UBAP2: variants seen among roughly 807,000 people sequenced by gnomAD.
UBAP2 encodes the protein ubiquitin-associated protein 2.
Under a neutral mutation model 139.6 loss-of-function variants are expected in UBAP2, and 75 were observed. That is an observed-to-expected ratio of 0.54 (90% CI 0.45 to 0.65). UBAP2 has a LOEUF of 0.65. UBAP2 is among the 30% of genes least tolerant of loss of function. UBAP2 has a pLI of 0.00. For missense variants in UBAP2, 1,368 were observed against 1,369.6 expected, an observed-to-expected ratio of 1.00 and a Z score of 0.02; for synonymous variants, 526 against 526.2, an observed-to-expected ratio of 1.00 and a Z score of 0.01.
chr9:33,975,398 C>A (rs307685), intron 6 of UBAP2, among the ~76,000 whole-genome samples: 47,696 of 149,578 alleles, frequency 0.32, 8,222 homozygotes, highest in African/African-American at 0.45. Context: ...TGCCACTGCA[C>A]TCCAGCCTGG....
chr9:34,020,150 TAAAAAAAAA>T (rs1174976366), intron 1 of UBAP2, among the ~76,000 whole-genome samples: 1 of 127,078 alleles, frequency 7.9e-6, no homozygotes, highest in Admixed American at 8.0e-5. Flanking sequence ...ACTCCATTAT[TAAAAAAAAA>T]AAAAAAAAAA....
At chr9:33,942,712 A>C (rs1374485383) in intron 15 of UBAP2, among the ~76,000 whole-genome samples, 2 of 150,046 alleles carry the variant, frequency 1.3e-5, no homozygotes, top group East Asian at 3.9e-4. Context: ...TGGACAACAG[A>C]GCAAGACCCT....
chr9:33,949,631 A>T (rs1825931227), intron 12 of UBAP2, among the ~76,000 whole-genome samples: 1 of 152,136 alleles, frequency 6.6e-6, no homozygotes, highest in Admixed American at 6.5e-5. Context: ...TGAACCCAGG[A>T]AGTGGAGGTT....
At chr9:33,956,953 C>T (rs918971050) in intron 10 of UBAP2, among the ~76,000 whole-genome samples, 13 of 151,566 alleles carry the variant, frequency 8.6e-5, no homozygotes, top group African/African-American at 2.9e-4. Context: ...ATTGGCTGGT[C>T]GTGGTGGTGT....
intron 1 of UBAP2, among the ~76,000 whole-genome samples, chr9:34,029,253 C>A (rs147531630): frequency 2.1e-5 from 3 of 143,952 alleles, no homozygotes; most frequent in Admixed American, 7.4e-5. Context: ...TAGGGCCAGG[C>A]GTAGTGGCTC....
intron 1 of UBAP2, among the ~76,000 whole-genome samples, chr9:34,022,954 C>T (rs1426481496): frequency 3.9e-5 from 6 of 151,954 alleles, no homozygotes; most frequent in Non-Finnish European, 8.8e-5. Flanking sequence ...CGGCTGGGTG[C>T]AGTGGCTCAC....
chr9:33,957,500 A>G (rs1363676589), intron 10 of UBAP2, among the ~76,000 whole-genome samples: 1 of 152,230 alleles, frequency 6.6e-6, no homozygotes, highest in Non-Finnish European at 1.5e-5. Flanking sequence ...AAATGAAATC[A>G]TAAAAGTATC....
intron 4 of UBAP2, among the ~76,000 whole-genome samples, chr9:33,989,823 G>A (rs1018841662): frequency 2.0e-5 from 3 of 152,012 alleles, no homozygotes; most frequent in Non-Finnish European, 2.9e-5. Context: ...TTAGAATGAT[G>A]CCCCAAAAGC....
chr9:33,930,895 C>CAAAAAA (rs57202118), intron 19 of UBAP2, among the ~76,000 whole-genome samples: 2 of 73,234 alleles, frequency 2.7e-5, no homozygotes, highest in Non-Finnish European at 4.9e-5. Context: ...GACTGCATCT[C>CAAAAAA]AAAAAAAAAA....
rs995486324 is a variant in UBAP2, at chr9:33,933,504, G to A, written c.2094C>T (p.Leu698=). ...QHTGDLTSSP[L]SQLSSSLSSH... ...CTTCCCCATACCTGCTAAGCTGAGA[G>A]AGAGGGCTGCTAGTCAGGTCGCCAG... The change falls in exon 18 of 29, where the codon CTC becomes CTT. Residue 698 remains leucine, a synonymous_variant. Coordinates refer to ENST00000379238, the MANE Select transcript of UBAP2 (RefSeq NM_001370062.2). 33 of 1,613,788 alleles carry A rather than the reference G, an allele frequency of 2.0e-5. No homozygotes were observed. Among genetic ancestry groups the A allele is most frequent in the Non-Finnish European group, 2.6e-5 (31 of 1,180,012 alleles).
intron 16 of UBAP2, among the ~76,000 whole-genome samples, chr9:33,937,755 CAAA>C (rs34776998): frequency 9.7e-6 from 1 of 103,602 alleles, no homozygotes; most frequent in Non-Finnish European, 2.0e-5. Context: ...TTAAAAAATA[CAAA>C]AAAAAAAAAA....
At position 33,924,058 on chromosome 9, in the gene UBAP2, C is replaced by A. The variant is rs1823198604; in HGVS notation, c.2591-58G>T. 5 of 1,603,450 alleles carry A rather than the reference C, an allele frequency of 3.1e-6. No homozygotes were observed. The South Asian group carries it at 5.5e-5, about 18-fold the overall frequency. On this transcript the variant is annotated intron_variant, in intron 23 of 28. Transcript: ENST00000379238. The stretch of plus-strand genomic sequence containing the variant: ...TTCCTCCAACCAGAGAAAGGCCACA[C>A]TGGCTTCTGCAAACAGGAACAGGTC...
chr9:33,955,129 A>G (rs975727798), intron 11 of UBAP2, among the ~76,000 whole-genome samples: 2 of 152,132 alleles, frequency 1.3e-5, no homozygotes, highest in African/African-American at 4.8e-5. Context: ...GAAGATCTAA[A>G]TAAATGGTAC....
Position 33,943,512 on chromosome 9 carries a change from A to G in UBAP2, c.1623T>C (p.Phe541=), listed in dbSNP as rs754920579. The G allele has an allele frequency of 1.9e-5, 31 of 1,614,100 alleles. No homozygotes were observed. In the South Asian group the frequency reaches 3.4e-4, roughly 18 times the overall value. Residue 541 remains phenylalanine (F), a synonymous_variant, in exon 15 of 29, where the codon TTT becomes TTC. Transcript: ENST00000379238. ...ATTCAGAGAGAGAAGGTTCTGACCC[A>G]AATTCCAGAGCCCCAAACTGCACAT... ...GLNVQFGALE[F]GSEPSLSEFG...
Position 33,963,800 on chromosome 9 carries a change from C to A in UBAP2, c.680-9G>T, listed in dbSNP as rs779320093. ...AGTATTTGATGCCAGTTCTGTGGAC[C>A]AATGTAAAATTGAGGGTTTAAACAT... is the stretch of plus-strand genomic sequence containing the variant. On this transcript the variant is annotated splice_polypyrimidine_tract_variant and intron_variant, in intron 8 of 28. Transcript: ENST00000379238. The A allele has an allele frequency of 1.2e-6, 2 of 1,606,482 alleles. No individual in the cohort carries two copies. The highest frequency in any genetic ancestry group is 1.1e-5 in the South Asian group (1 of 90,802).
At chr9:34,014,314 G>T (rs1041333094) in intron 2 of UBAP2, among the ~76,000 whole-genome samples, 2 of 104,284 alleles carry the variant, frequency 1.9e-5, no homozygotes, top group Non-Finnish European at 3.6e-5. Flanking sequence ...GCTACAGAGC[G>T]AGACTGTCTC....
chr9:33,942,711 G>C (rs557231407), intron 15 of UBAP2, among the ~76,000 whole-genome samples: 1 of 145,966 alleles, frequency 6.9e-6, no homozygotes, highest in South Asian at 2.2e-4. Flanking sequence ...CTGGACAACA[G>C]AGCAAGACCC....
chr9:34,035,514 A>AAAAAAAATATAT lies in UBAP2; in HGVS notation c.-42+13310_-42+13311insATATATTTTTTT. 2.2e-4 allele frequency among the ~76,000 whole-genome samples: 5 copies of AAAAAAAATATAT among 22,492 alleles called. 1 individual carries two copies. The highest frequency in any genetic ancestry group is 1.4e-3 in the Admixed American group (2 of 1,448). The allele number at this position is 22,492 out of a possible 152,430, so 14.8% of individuals were successfully genotyped here. On this transcript the variant is annotated intron_variant, in intron 1 of 28. Coordinates refer to ENST00000379238, the MANE Select transcript of UBAP2 (RefSeq NM_001370062.2). ...GAGACTCCATCTAAAAAAAAAAAAA[A>AAAAAAAATATAT]ATATATATATATAAAGATTAGCCAG...
chr9:33,952,205 T>C, intron 12 of UBAP2, among the ~76,000 whole-genome samples: 1 of 152,256 alleles, frequency 6.6e-6, no homozygotes, highest in Non-Finnish European at 1.5e-5. Context: ...AGAGCTGTAG[T>C]TCTGCATCCA....
Sources: gnomAD v4.1 joint callset for allele counts (sites outside exome capture counted in the v4.1 genomes callset) on GRCh38, gnomAD v4.1.1 for gene constraint, MANE v1.5 for transcripts, NCBI Gene and HGNC (gene_info 2026-07-23, HGNC 2026-07-21) for gene names.